CCSER1: variants seen among roughly 807,000 people sequenced by gnomAD.
CCSER1 encodes the protein serine-rich coiled-coil domain-containing protein 1.
Under a neutral mutation model 82.0 loss-of-function variants are expected in CCSER1, and 41 were observed. The observed-to-expected ratio is 0.50, with a 90% confidence interval of 0.39 to 0.65. The LOEUF (loss-of-function observed/expected upper bound fraction) is 0.65. Ranked by LOEUF, CCSER1 falls within the 30% of genes least tolerant of loss-of-function variation. CCSER1 has a pLI of 0.00. For missense variants in CCSER1, 1,119 were observed against 1,064.2 expected (o/e 1.05, Z -0.72); for synonymous variants, 414 against 383.9 (o/e 1.08, Z -0.92).
At chr4:90,313,726 CA>C (rs1363984677) in intron 3 of CCSER1, among the ~76,000 whole-genome samples, 1 of 152,048 alleles carries the variant, frequency 6.6e-6, no homozygotes, top group African/African-American at 2.4e-5. Flanking sequence ...GAGATGGACC[CA>C]GGGGTGGGAA....
intron 9 of CCSER1, among the ~76,000 whole-genome samples, chr4:90,960,223 A>T (rs1733930341): frequency 6.6e-6 from 1 of 152,180 alleles, no homozygotes; most frequent in South Asian, 2.1e-4. Flanking sequence ...TATGCAAAAC[A>T]TCATGAAGCA....
At chr4:90,830,887 A>G (rs1485702399) in intron 8 of CCSER1, among the ~76,000 whole-genome samples, 1 of 152,152 alleles carries the variant, frequency 6.6e-6, no homozygotes, top group African/African-American at 2.4e-5. Context: ...AGTGAATCAT[A>G]TCTAACACTA....
chr4:91,139,111 C>T (rs1021166059), intron 10 of CCSER1, among the ~76,000 whole-genome samples: 23 of 152,114 alleles, frequency 1.5e-4, no homozygotes, highest in African/African-American at 5.6e-4. Flanking sequence ...TTAGCTCCTG[C>T]TTACAAGTAA....
In CCSER1 at chr4:90,468,459, G is replaced by C. The variant is rs928506700; in HGVS notation, c.1724+105G>C. ...TGTTAATATTAGTATAAAGAAAGAA[G>C]AAATAAATTTTATGGGTTAAAAAAT... On this transcript the variant is annotated intron_variant, in intron 5 of 10. Coordinates refer to ENST00000509176, the MANE Select transcript of CCSER1 (RefSeq NM_001145065.2). 63 of 1,027,218 alleles carry C rather than the reference G, an allele frequency of 6.1e-5. 1 individual carries two copies. The highest frequency in any genetic ancestry group is 6.7e-4 in the Middle Eastern group (2 of 3,000). The allele number at this position is 1,027,218 out of a possible 1,614,324, so 63.6% of individuals were successfully genotyped here.
intron 5 of CCSER1, among the ~76,000 whole-genome samples, chr4:90,499,449 G>C (rs781535167): frequency 1.3e-5 from 2 of 152,100 alleles, no homozygotes; most frequent in Non-Finnish European, 2.9e-5. Context: ...CATGTGTAAT[G>C]AAATTTGGGA....
chr4:90,156,559 G>C (rs1296758709), intron 1 of CCSER1, among the ~76,000 whole-genome samples: 1 of 152,154 alleles, frequency 6.6e-6, no homozygotes, highest in Non-Finnish European at 1.5e-5. Context: ...GGGTGCTCCT[G>C]TATTGGGTGC....
intron 9 of CCSER1, among the ~76,000 whole-genome samples, chr4:91,079,390 C>T (rs1398181888): frequency 1.3e-5 from 2 of 152,086 alleles, no homozygotes; most frequent in Non-Finnish European, 2.9e-5. Flanking sequence ...ATTTTGTCAC[C>T]ATCAGGCCTG....
intron 5 of CCSER1, among the ~76,000 whole-genome samples, chr4:90,612,159 A>C (rs533664631): frequency 1.3e-5 from 2 of 152,274 alleles, no homozygotes; most frequent in African/African-American, 4.8e-5. Context: ...ACAAAAAAAT[A>C]AACTATTTAG....
chr4:90,171,472 C>T (rs1051121606), intron 1 of CCSER1, among the ~76,000 whole-genome samples: 7 of 151,868 alleles, frequency 4.6e-5, no homozygotes, highest in Non-Finnish European at 7.4e-5. Context: ...TACTTAAAAA[C>T]CTTTTAATCA....
At chr4:90,705,445 G>A (rs1017749461) in intron 6 of CCSER1, among the ~76,000 whole-genome samples, 1 of 152,214 alleles carries the variant, frequency 6.6e-6, no homozygotes, top group Non-Finnish European at 1.5e-5. Flanking sequence ...GAGGCAGTCT[G>A]TCCATTCTCA....
At chr4:91,257,755 C>T (rs1740808478) in intron 10 of CCSER1, among the ~76,000 whole-genome samples, 1 of 152,040 alleles carries the variant, frequency 6.6e-6, no homozygotes, top group Admixed American at 6.6e-5. Context: ...GAATGGTTCA[C>T]CTTAGTATTA....
intron 6 of CCSER1, among the ~76,000 whole-genome samples, chr4:90,661,259 A>G (rs1411161982): frequency 1.3e-5 from 2 of 152,280 alleles, no homozygotes; most frequent in African/African-American, 4.8e-5. Flanking sequence ...AAACTGCTTT[A>G]GTATTTACAA....
At chr4:90,441,996 T>C (rs1759956478) in intron 4 of CCSER1, among the ~76,000 whole-genome samples, 1 of 152,226 alleles carries the variant, frequency 6.6e-6, no homozygotes, top group African/African-American at 2.4e-5. Flanking sequence ...ATTTCAGTCC[T>C]GTGGAACCTC....
At chr4:91,515,830 C>T (rs1560730815) in intron 10 of CCSER1, among the ~76,000 whole-genome samples, 1 of 150,026 alleles carries the variant, frequency 6.7e-6, no homozygotes, top group African/African-American at 2.5e-5. Context: ...CAGTGATAAG[C>T]ATTCCTTTTT....
At chr4:90,766,426 G>T (rs1038779494) in intron 7 of CCSER1, among the ~76,000 whole-genome samples, 1 of 152,056 alleles carries the variant, frequency 6.6e-6, no homozygotes, top group Non-Finnish European at 1.5e-5. Flanking sequence ...CCCAGAAAGC[G>T]ATCAATCTAT....
chr4:91,291,294 TC>T (rs769433717), intron 10 of CCSER1, among the ~76,000 whole-genome samples: 13 of 152,158 alleles, frequency 8.5e-5, no homozygotes, highest in Non-Finnish European at 1.2e-4. Context: ...CCCATTGATA[TC>T]ATGGATTTTG....
chr4:91,464,378 G>T (rs920753725), intron 10 of CCSER1, among the ~76,000 whole-genome samples: 1 of 152,068 alleles, frequency 6.6e-6, no homozygotes, highest in Non-Finnish European at 1.5e-5. Context: ...AGGAACAACC[G>T]GTACCAGCCA....
rs70965460 is a variant in CCSER1, at chr4:90,943,729, A to ATTTT, written c.2172+20308_2172+20311dup. On this transcript the variant is annotated intron_variant, in intron 9 of 10. Coordinates refer to ENST00000509176, the MANE Select transcript of CCSER1 (RefSeq NM_001145065.2). ...AAACATGAGCCACTGTGCCAGGCTA[A>ATTTT]TTTTTTTTTTTTTTTTTTTTTTTTT... 6.2e-4 allele frequency among the ~76,000 whole-genome samples: 43 copies of ATTTT among 68,882 alleles called. 2 individuals are homozygous for ATTTT. The highest frequency in any genetic ancestry group is 2.3e-3 in the African/African-American group (37 of 15,972). The allele number at this position is 68,882 out of a possible 152,430, so 45.2% of individuals were successfully genotyped here.
intron 10 of CCSER1, among the ~76,000 whole-genome samples, chr4:91,357,802 T>TG (rs913957325): frequency 6.6e-5 from 10 of 151,720 alleles, no homozygotes; most frequent in Admixed American, 2.6e-4. Context: ...ATTTTTTTTT[T>TG]CTTTAAACAA....
Sources: gnomAD v4.1 joint callset for allele counts (sites outside exome capture counted in the v4.1 genomes callset) on GRCh38, gnomAD v4.1.1 for gene constraint, MANE v1.5 for transcripts, NCBI Gene and HGNC (gene_info 2026-07-23, HGNC 2026-07-21) for gene names.